POLR2J: variants seen among roughly 807,000 people sequenced by gnomAD.
POLR2J encodes DNA-directed RNA polymerase II subunit RPB11-a.
In POLR2J, 12 loss-of-function variants were observed where a neutral mutation model predicts 13.4. The ratio of observed to expected loss-of-function variants is 0.90; its 90% confidence interval spans 0.57 to 1.45. The LOEUF (loss-of-function observed/expected upper bound fraction) is 1.45. POLR2J is among the 40% of genes most tolerant of loss of function. The pLI is 0.00. For synonymous variants in POLR2J, 31 were observed against 53.6 expected (o/e 0.58, Z 1.84); for missense variants, 58 against 132.0 (o/e 0.44, Z 2.75).
intron 1 of POLR2J, among the ~76,000 whole-genome samples, chr7:102,476,486 A>T (rs1204943529): frequency 6.6e-6 from 1 of 150,540 alleles, no homozygotes; most frequent in Non-Finnish European, 1.5e-5. Flanking sequence ...CAAAGAAAAA[A>T]AAAATTAGCT....
At position 102,473,634 on chromosome 7, in the gene POLR2J, A is replaced by G; in HGVS notation, c.*15T>C. 6.2e-7 allele frequency: 1 copy of G among 1,613,714 alleles called. No homozygotes were observed. Among genetic ancestry groups the G allele is most frequent in the Non-Finnish European group, 8.5e-7 (1 of 1,179,894 alleles). Reference sequence around the variant, plus strand: ...GGAACGGGGCTCACAGGCCGAGCAGAGCCCCCTCTGGCCCCTACTCAATTC... The same window carrying G: ...GGAACGGGGCTCACAGGCCGAGCAGGGCCCCCTCTGGCCCCTACTCAATTC... On this transcript the variant is annotated 3_prime_UTR_variant, in exon 4 of 4. Transcript: ENST00000292614.
chr7:102,478,878 G>C lies in POLR2J; in HGVS notation c.-18C>G, dbSNP rs779719584. On this transcript the variant is annotated 5_prime_UTR_variant, in exon 1 of 4. Transcript: ENST00000292614. ...GCGTTCATGCTCCCGCCGCCGTTGC[G>C]TCCAGACCCCAAGGGTCCGCCGCCG... 6.8e-6 allele frequency: 11 copies of C among 1,610,530 alleles called. No homozygotes were observed. Among genetic ancestry groups the C allele is most frequent in the Non-Finnish European group, 9.3e-6 (11 of 1,179,644 alleles).
chr7:102,474,666 A>G (rs1798367847), intron 2 of POLR2J, 131 bp from the exon 3 acceptor site: 1 of 1,029,692 alleles, frequency 9.7e-7, no homozygotes, highest in Admixed American at 2.6e-5. Flanking sequence ...GTCTTCAAGG[A>G]AAGTAACACT....
chr7:102,476,597 C>T (rs1798440299), intron 1 of POLR2J, among the ~76,000 whole-genome samples: 1 of 133,690 alleles, frequency 7.5e-6, no homozygotes, highest in Admixed American at 7.6e-5. Flanking sequence ...CGAGATCATG[C>T]CACTGCACTC....
At chr7:102,474,145 C>T in intron 3 of POLR2J, 5 of 1,524,872 alleles carry the variant, frequency 3.3e-6, no homozygotes, top group Non-Finnish European at 4.4e-6. Flanking sequence ...CCCTGCAGCA[C>T]TACAGAAGTC....
At position 102,473,393 on chromosome 7, in the gene POLR2J, G is replaced by C; in HGVS notation, c.*256C>G. On this transcript the variant is annotated 3_prime_UTR_variant, in exon 4 of 4. Transcript: ENST00000292614. ...CGGACGCCCCTGAAACAGGTCATCT[G>C]CCTGCATCAAGCCTGACAATCCATT... 1.8e-6 allele frequency: 1 copy of C among 568,726 alleles called. No individual in the cohort carries two copies. Among genetic ancestry groups the C allele is most frequent in the Non-Finnish European group, 2.9e-6 (1 of 339,840 alleles). 35.2% of individuals were successfully genotyped at this position (568,726 alleles called of 1,614,324 possible).
intron 3 of POLR2J, chr7:102,474,105 G>A (rs914478064): frequency 1.8e-5 from 27 of 1,476,518 alleles, no homozygotes; most frequent in East Asian, 7.4e-5. Context: ...GTAGGTCCCC[G>A]CCCCGATCTG....
At position 102,473,963 on chromosome 7, in the gene POLR2J, G is replaced by A; in HGVS notation, c.319-279C>T. On this transcript the variant is annotated intron_variant, in intron 3 of 3. Coordinates refer to ENST00000292614, the MANE Select transcript of POLR2J (RefSeq NM_006234.6). Reference sequence around the variant, plus strand: ...GCTGTGGCTCTTTCCCCTCTAAACTGTTCTAGATTCCCATGCGCCCTGCCA... The same window carrying A: ...GCTGTGGCTCTTTCCCCTCTAAACTATTCTAGATTCCCATGCGCCCTGCCA... 4.9e-6 allele frequency: 7 copies of A among 1,435,340 alleles called. No homozygotes were observed. The South Asian group carries it at 1.1e-4, about 22-fold the overall frequency. The allele number at this position is 1,435,340 out of a possible 1,614,324, so 88.9% of individuals were successfully genotyped here.
At chr7:102,474,184 A>G (rs56273862) in intron 3 of POLR2J, 177 bp downstream of exon 3, 501,850 of 1,544,578 alleles carry the variant, frequency 0.32, 84,394 homozygotes, top group Non-Finnish European at 0.35. Flanking sequence ...CCACAGGCCC[A>G]GACTCCACAG....
chr7:102,474,213 C>G (rs1446792609), intron 3 of POLR2J, 148 bp downstream of exon 3: 1 of 1,557,412 alleles, frequency 6.4e-7, no homozygotes, highest in Non-Finnish European at 8.7e-7. Context: ...TCCACATGTC[C>G]TGGAGCCTGT....
chr7:102,475,560 C>T (rs1798404424), intron 2 of POLR2J, among the ~76,000 whole-genome samples: 1 of 152,204 alleles, frequency 6.6e-6, no homozygotes, highest in Non-Finnish European at 1.5e-5. Flanking sequence ...CAATGCCCCT[C>T]AGCATGAATA....
chr7:102,475,781 G>A lies in POLR2J; in HGVS notation c.143+400C>T, dbSNP rs566136610. On this transcript the variant is annotated intron_variant, in intron 2 of 3. Transcript: ENST00000292614. ...TACTAAAAACACAAAAATTAGCCGG[G>A]CATCGTGGCGTGGGCCTGTAGTCCC... 2.8e-3 allele frequency among the ~76,000 whole-genome samples: 430 copies of A among 151,110 alleles called. 1 individual carries two copies. The highest frequency in any genetic ancestry group is 1.0e-2 in the African/African-American group (413 of 41,302).
At chr7:102,475,256 G>A (rs528438161) in intron 2 of POLR2J, among the ~76,000 whole-genome samples, 1 of 152,344 alleles carries the variant, frequency 6.6e-6, no homozygotes, top group South Asian at 2.1e-4. Flanking sequence ...GGAAAAGCCT[G>A]GCTTCGCTGG....
intron 3 of POLR2J, 150 bp from the exon 4 acceptor site, chr7:102,473,834 CCCAGCTGGCCCAAT>C (rs1798323409): frequency 2.1e-6 from 3 of 1,456,364 alleles, no homozygotes; most frequent in Middle Eastern, 2.5e-4. Context: ...AAAGGGCCCT[CCCAGCTGGCCCAAT>C]CCAGCCATTC....
At chr7:102,473,892 A>AGAGG (rs1798326566) in intron 3 of POLR2J, 1 of 1,440,176 alleles carries the variant, frequency 6.9e-7, no homozygotes. Flanking sequence ...CAGAGGCCCC[A>AGAGG]GAGGCTTCCT....
chr7:102,478,641 A>C (rs1339089151), intron 1 of POLR2J, among the ~76,000 whole-genome samples, 167 bp downstream of exon 1: 1 of 151,028 alleles, frequency 6.6e-6, no homozygotes, highest in South Asian at 2.1e-4. Context: ...ACATGGACAC[A>C]CTCGCGACTG....
At position 102,473,321 on chromosome 7, in the gene POLR2J, C is replaced by T. The variant is rs1798288493; in HGVS notation, c.*328G>A. 3 of 568,778 alleles carry T rather than the reference C, an allele frequency of 5.3e-6. No homozygotes were observed. The highest frequency in any genetic ancestry group is 6.6e-5 in the Admixed American group (2 of 30,430). The allele number at this position is 568,778 out of a possible 1,614,324, so 35.2% of individuals were successfully genotyped here. A position where few individuals can be genotyped will look rare whatever the true frequency, so the allele number is the denominator to read the frequency against. ...GGCTCAGCACAGCCCCCGCAGCAGC[C>T]CCTGGACCCCGGATCTTTGGTCCAG... On this transcript the variant is annotated 3_prime_UTR_variant, in exon 4 of 4. Transcript: ENST00000292614.
At chr7:102,474,185 G>C (rs1278863091) in intron 3 of POLR2J, 176 bp downstream of exon 3, 2 of 1,547,348 alleles carry the variant, frequency 1.3e-6, no homozygotes, top group Non-Finnish European at 8.7e-7. Context: ...CACAGGCCCA[G>C]ACTCCACAGC....
intron 2 of POLR2J, among the ~76,000 whole-genome samples, 168 bp from the exon 3 acceptor site, chr7:102,474,703 A>G (rs1586749797): frequency 8.3e-6 from 1 of 120,828 alleles, no homozygotes; most frequent in South Asian, 2.5e-4. Context: ...ATGTGGGGAC[A>G]CCCTATCCCC....
Sources: allele counts gnomAD v4.1 joint callset (sites outside exome capture counted in the v4.1 genomes callset), GRCh38; gene constraint gnomAD v4.1.1; transcripts MANE v1.5; gene names NCBI Gene and HGNC (gene_info 2026-07-23, HGNC 2026-07-21).